The following TMEM260 variants were observed in gnomAD, a reference collection of about 807,000 sequenced individuals.
TMEM260 encodes protein O-mannosyl-transferase TMEM260.
In TMEM260, 82 loss-of-function variants were observed where a neutral mutation model predicts 88.9. That is an observed-to-expected ratio of 0.92 (90% CI 0.77 to 1.11). TMEM260 has a LOEUF of 1.11. Ranked by LOEUF, TMEM260 falls within the 50% of genes least tolerant of loss-of-function variation. The probability of loss-of-function intolerance (pLI) is 0.00; values close to 1 mark genes in which losing one functional copy is unlikely to be tolerated. For missense variants in TMEM260, 902 were observed against 853.4 expected (o/e 1.06, Z -0.71); for synonymous variants, 314 against 309.3 (o/e 1.02, Z -0.16).
At chr14:56,592,652 G>A (rs897718412) in intron 3 of TMEM260, among the ~76,000 whole-genome samples, 3 of 152,216 alleles carry the variant, frequency 2.0e-5, no homozygotes, top group African/African-American at 7.2e-5. Flanking sequence ...GGAAGGATAA[G>A]GGTGGTAGAT....
chr14:56,630,667 G>A (rs1888533555), intron 12 of TMEM260, among the ~76,000 whole-genome samples: 4 of 152,058 alleles, frequency 2.6e-5, no homozygotes, highest in Admixed American at 2.6e-4. Context: ...TCTAGCATTT[G>A]TGTCATCTTA....
intron 8 of TMEM260, among the ~76,000 whole-genome samples, chr14:56,616,940 GTT>G (rs1887627802): frequency 6.6e-6 from 1 of 152,078 alleles, no homozygotes; most frequent in African/African-American, 2.4e-5. Context: ...AAAATCAGTA[GTT>G]TGCATTTCTT....
intron 15 of TMEM260, among the ~76,000 whole-genome samples, chr14:56,646,564 C>G (rs1434894534): frequency 6.6e-6 from 1 of 152,188 alleles, no homozygotes; most frequent in African/African-American, 2.4e-5. Context: ...CCAATTAATA[C>G]TGTCTCTGAT....
chr14:56,580,578 C>G (rs937368216), intron 1 of TMEM260, among the ~76,000 whole-genome samples: 5 of 152,120 alleles, frequency 3.3e-5, no homozygotes, highest in African/African-American at 9.7e-5. Flanking sequence ...GTAGTGGGTC[C>G]TTCCGAATGA....
chr14:56,640,221 G>C (rs1450004534), intron 15 of TMEM260, among the ~76,000 whole-genome samples: 2 of 152,212 alleles, frequency 1.3e-5, no homozygotes, highest in East Asian at 3.9e-4. Context: ...TGACCCCCGA[G>C]TAGCCTAAAT....
chr14:56,658,563 C>T, the TMEM260 span, among the ~76,000 whole-genome samples: 2 of 151,826 alleles, frequency 1.3e-5, no homozygotes, highest in East Asian at 2.0e-4. Flanking sequence ...AAACATTTCA[C>T]AAATCCAAAT....
intron 3 of TMEM260, among the ~76,000 whole-genome samples, chr14:56,595,801 C>T (rs1204616753): frequency 6.6e-6 from 1 of 151,878 alleles, no homozygotes; most frequent in African/African-American, 2.4e-5. Flanking sequence ...TTTTATTATT[C>T]TCTTTGAAAT....
the TMEM260 span, among the ~76,000 whole-genome samples, chr14:56,659,883 C>A: frequency 6.6e-6 from 1 of 151,998 alleles, no homozygotes; most frequent in African/African-American, 2.4e-5. Flanking sequence ...TGAAATTATT[C>A]CTGCCACGTA....
rs185843774 is a variant in TMEM260 at position 56,635,127 on chromosome 14, C to G, written c.1778+175C>G. Among the ~76,000 whole-genome samples the G allele has an allele frequency of 1.2e-4, 18 of 152,242 alleles. 1 individual carries two copies. The highest frequency in any genetic ancestry group is 1.5e-5 in the Non-Finnish European group (1 of 68,012). On this transcript the variant is annotated intron_variant, in intron 14 of 15. Transcript: ENST00000261556. ...ATTATACATGAATATTTCAGTTCAT[C>G]CACACAATAACCTCTGAGGTTATTT...
chr14:56,611,943 G>A (rs1594846244), intron 6 of TMEM260, among the ~76,000 whole-genome samples: 2 of 152,234 alleles, frequency 1.3e-5, no homozygotes, highest in East Asian at 3.9e-4. Flanking sequence ...ATAAGTGGGA[G>A]CTAAACATTG....
intron 7 of TMEM260, among the ~76,000 whole-genome samples, chr14:56,614,276 A>G (rs1887470848): frequency 6.7e-6 from 1 of 149,708 alleles, no homozygotes; most frequent in South Asian, 2.1e-4. Flanking sequence ...GCTACTCAGG[A>G]GGCTGAGGTG....
At chr14:56,632,817 T>C (rs997854549) in intron 12 of TMEM260, among the ~76,000 whole-genome samples, 178 bp from the exon 13 acceptor site, 1 of 152,168 alleles carries the variant, frequency 6.6e-6, no homozygotes, top group African/African-American at 2.4e-5. Context: ...GAAAGATAGT[T>C]GCCATACCTC....
At chr14:56,640,477 A>G (rs1319725202) in intron 15 of TMEM260, among the ~76,000 whole-genome samples, 3 of 152,246 alleles carry the variant, frequency 2.0e-5, no homozygotes, top group Non-Finnish European at 4.4e-5. Context: ...AAGGACATCC[A>G]CACCAAAAAC....
At chr14:56,595,437 A>C (rs1012267512) in intron 3 of TMEM260, among the ~76,000 whole-genome samples, 2 of 152,204 alleles carry the variant, frequency 1.3e-5, no homozygotes, top group Non-Finnish European at 2.9e-5. Flanking sequence ...TTTACAAATC[A>C]ATGTGTGAAA....
At position 56,615,898 on chromosome 14, in the gene TMEM260, A is replaced by G. The variant is rs375773440; in HGVS notation, c.858-46A>G. On this transcript the variant is annotated intron_variant, in intron 7 of 15. Coordinates refer to ENST00000261556, the MANE Select transcript of TMEM260 (RefSeq NM_017799.4). ...ACAAGGACTATTTTATTTGGAATCAATCAAATTTGTTTCCTGCCAACAATA... is the reference window on the plus strand; with the variant it reads ...ACAAGGACTATTTTATTTGGAATCAGTCAAATTTGTTTCCTGCCAACAATA... 6.8e-5 allele frequency: 89 copies of G among 1,316,608 alleles called. 2 individuals are homozygous for G. In the South Asian group the frequency reaches 1.0e-3, roughly 15 times the overall value. The allele number at this position is 1,316,608 out of a possible 1,614,324, so 81.6% of individuals were successfully genotyped here.
intron 1 of TMEM260, among the ~76,000 whole-genome samples, chr14:56,584,073 T>G (rs1159429039): frequency 6.6e-6 from 1 of 151,816 alleles, no homozygotes; most frequent in East Asian, 1.9e-4. Flanking sequence ...TTATAAGTGA[T>G]TTCAGTATGA....
chr14:56,634,969 T>C lies in TMEM260; in HGVS notation c.1778+17T>C. Reference sequence around the variant, plus strand: ...GCAAGCGAGGTGACTATTCTACATTTTTGTGTGTGCAGTCTATTTTTAATA... The same window carrying C: ...GCAAGCGAGGTGACTATTCTACATTCTTGTGTGTGCAGTCTATTTTTAATA... On this transcript the variant is annotated intron_variant, in intron 14 of 15. Transcript: ENST00000261556. 6.2e-7 allele frequency: 1 copy of C among 1,612,150 alleles called. No individual in the cohort carries two copies.
At chr14:56,615,882 A>G (rs976585662) in intron 7 of TMEM260, 62 bp from the exon 8 acceptor site, 8 of 1,154,166 alleles carry the variant, frequency 6.9e-6, no homozygotes, top group East Asian at 2.3e-5. Flanking sequence ...TACAAGGACT[A>G]TTTTATTTGG....
At chr14:56,597,919 G>A (rs1456130915) in intron 3 of TMEM260, among the ~76,000 whole-genome samples, 1 of 152,126 alleles carries the variant, frequency 6.6e-6, no homozygotes, top group African/African-American at 2.4e-5. Flanking sequence ...TACAGGAGTA[G>A]GAAATCATTT....
Sources: gnomAD v4.1 joint callset for allele counts (sites outside exome capture counted in the v4.1 genomes callset) on GRCh38, gnomAD v4.1.1 for gene constraint, MANE v1.5 for transcripts, NCBI Gene and HGNC (gene_info 2026-07-23, HGNC 2026-07-21) for gene names.